SLC23A2: variants seen among roughly 807,000 people sequenced by gnomAD.
The protein encoded by SLC23A2 is Na(+)/L-ascorbic acid transporter 2.
Under a neutral mutation model 73.3 loss-of-function variants are expected in SLC23A2, and 36 were observed. The observed-to-expected ratio is 0.49, with a 90% CI of 0.38 to 0.65. SLC23A2 has a LOEUF of 0.65. Ranked by LOEUF, SLC23A2 falls within the 30% of genes least tolerant of loss-of-function variation. The pLI is 0.00. For synonymous variants in SLC23A2, 343 were observed against 327.3 expected (o/e 1.05, Z -0.52); for missense variants, 507 against 841.6 (o/e 0.60, Z 4.92).
At chr20:4,970,349 A>C (rs1344372724) in intron 2 of SLC23A2, among the ~76,000 whole-genome samples, 1 of 152,194 alleles carries the variant, frequency 6.6e-6, no homozygotes, top group Non-Finnish European at 1.5e-5. Flanking sequence ...TTGTGCATTT[A>C]GACCGTTCTC....
At chr20:4,876,674 A>G (rs1307752755) in intron 9 of SLC23A2, among the ~76,000 whole-genome samples, 1 of 152,240 alleles carries the variant, frequency 6.6e-6, no homozygotes, top group African/African-American at 2.4e-5. Flanking sequence ...CAAGTAATAC[A>G]TACTAAATTG....
Position 4,859,367 on chromosome 20 carries a change from G to T in SLC23A2, c.1642C>A (p.Gln548Lys). Residue 548 changes from glutamine (Q) to lysine (K), a missense_variant, in exon 16 of 17, where the codon CAA (glutamine) becomes AAA (lysine). Physicochemically the swap from Gln to Lys is moderately conservative, Grantham distance 53. Transcript: ENST00000338244. The stretch of plus-strand genomic sequence containing the variant: ...GTTGTGAGAAGGACGTTCAACACTT[G>T]ATCGATTCCTGTTATCCCTAGAAAG... ...PLVTGITGID[Q>K]VLNVLLTTAM... 6.2e-7 allele frequency: 1 copy of T among 1,611,254 alleles called. No individual in the cohort carries two copies. The highest frequency in any genetic ancestry group is 8.5e-7 in the Non-Finnish European group (1 of 1,177,460).
upstream of SLC23A2, among the ~76,000 whole-genome samples, chr20:5,004,303 C>G (rs1409131094): frequency 2.0e-5 from 3 of 152,134 alleles, no homozygotes; most frequent in Non-Finnish European, 4.4e-5. Flanking sequence ...TGAGTCCTTG[C>G]CCCATAGCCT....
intron 11 of SLC23A2, among the ~76,000 whole-genome samples, chr20:4,871,770 G>A (rs755549849): frequency 2.6e-5 from 4 of 152,136 alleles, no homozygotes; most frequent in Non-Finnish European, 4.4e-5. Flanking sequence ...CCTGCTCAAC[G>A]TATCAGCTCC....
At chr20:4,904,507 ATTCTCTGAGTCT>A (rs1931868272) in intron 4 of SLC23A2, among the ~76,000 whole-genome samples, 1 of 152,226 alleles carries the variant, frequency 6.6e-6, no homozygotes, top group South Asian at 2.1e-4. Flanking sequence ...GCTCTGCTGA[ATTCTCTGAGTCT>A]TTCTCATAAA....
Position 4,856,645 on chromosome 20 carries a change from G to C in SLC23A2, c.*327C>G, listed in dbSNP as rs1929722303. 1.2e-5 allele frequency: 3 copies of C among 244,388 alleles called. No individual in the cohort carries two copies. Among genetic ancestry groups the C allele is most frequent in the Non-Finnish European group, 2.4e-5 (3 of 126,128 alleles). 15.1% of individuals were successfully genotyped at this position (244,388 alleles called of 1,614,324 possible). ...GGTGGCTTATAGGAAAGCCAGCCCTGGGTGGTGGAAGGGAACTGAAGCAAG... is the reference window on the plus strand; with the variant it reads ...GGTGGCTTATAGGAAAGCCAGCCCTCGGTGGTGGAAGGGAACTGAAGCAAG... On this transcript the variant is annotated 3_prime_UTR_variant, in exon 17 of 17. Transcript: ENST00000338244. The surrounding 1 kb of genome is among the most constrained non-coding windows in gnomAD (Gnocchi z 4.6).
intron 9 of SLC23A2, among the ~76,000 whole-genome samples, chr20:4,882,934 T>TA (rs1173427402): frequency 4.6e-5 from 7 of 152,206 alleles, no homozygotes. Context: ...AATCAACTCT[T>TA]AAACATGCTC....
intron 5 of SLC23A2, among the ~76,000 whole-genome samples, chr20:4,900,924 G>A (rs537684648): frequency 9.2e-5 from 14 of 152,120 alleles, no homozygotes; most frequent in Non-Finnish European, 1.3e-4. Flanking sequence ...CATGAAGCCC[G>A]ACTGTAAAGG....
chr20:4,897,935 A>T (rs373262885), intron 6 of SLC23A2, among the ~76,000 whole-genome samples: 18 of 152,350 alleles, frequency 1.2e-4, no homozygotes, highest in African/African-American at 4.3e-4. Flanking sequence ...CGGATAAGTC[A>T]GCGGTTTAGA....
chr20:4,922,843 G>GCACACA (rs11474556), intron 3 of SLC23A2, among the ~76,000 whole-genome samples: 37 of 145,742 alleles, frequency 2.5e-4, no homozygotes, highest in African/African-American at 7.6e-4. Flanking sequence ...AAAAAAAAAA[G>GCACACA]CACACACACA....
chr20:4,994,502 T>C (rs1467437467), intron 1 of SLC23A2, among the ~76,000 whole-genome samples: 1 of 152,122 alleles, frequency 6.6e-6, no homozygotes, highest in Non-Finnish European at 1.5e-5. Context: ...GAAATTGTGT[T>C]GGCCAGGTGC....
At chr20:4,949,209 A>C (rs2122130952) in intron 2 of SLC23A2, among the ~76,000 whole-genome samples, 1 of 149,662 alleles carries the variant, frequency 6.7e-6, no homozygotes, top group Non-Finnish European at 1.5e-5. Context: ...AGTTGCTTGA[A>C]CCTGGGAGGC....
At chr20:4,970,132 G>A (rs987547145) in intron 2 of SLC23A2, among the ~76,000 whole-genome samples, 19 of 152,046 alleles carry the variant, frequency 1.2e-4, no homozygotes, top group Admixed American at 3.3e-4. Flanking sequence ...AGGGCCAAGA[G>A]CAGGAGGTAC....
At chr20:4,938,961 G>C (rs776270724) in intron 2 of SLC23A2, among the ~76,000 whole-genome samples, 1 of 152,106 alleles carries the variant, frequency 6.6e-6, no homozygotes, top group Non-Finnish European at 1.5e-5. Context: ...CATGTGGAGG[G>C]CTGAGTGTGA....
At chr20:4,907,688 A>C (rs1932005472) in intron 4 of SLC23A2, among the ~76,000 whole-genome samples, 1 of 152,132 alleles carries the variant, frequency 6.6e-6, no homozygotes, top group South Asian at 2.1e-4. Flanking sequence ...AATATAGGTA[A>C]GAGTTAAGTG....
At chr20:4,984,111 T>A (rs1454352314) in intron 1 of SLC23A2, among the ~76,000 whole-genome samples, 1 of 152,080 alleles carries the variant, frequency 6.6e-6, no homozygotes, top group Non-Finnish European at 1.5e-5. Flanking sequence ...CCTAATTAAA[T>A]GGGCAAAGAA....
At chr20:4,913,096 A>G in intron 3 of SLC23A2, 118 bp from the exon 4 acceptor site, 1 of 721,070 alleles carries the variant, frequency 1.4e-6, no homozygotes, top group Non-Finnish European at 2.5e-6. Context: ...ATGGAGAAAC[A>G]TACTCCATGT....
chr20:4,991,693 G>A (rs2087924738), intron 1 of SLC23A2, among the ~76,000 whole-genome samples: 1 of 149,610 alleles, frequency 6.7e-6, no homozygotes, highest in Non-Finnish European at 1.5e-5. Context: ...CTGCACTCCA[G>A]CCTGGGTGAC....
chr20:4,860,830 C>T (rs569741351), intron 15 of SLC23A2, among the ~76,000 whole-genome samples: 1 of 152,206 alleles, frequency 6.6e-6, no homozygotes, highest in Non-Finnish European at 1.5e-5. Context: ...CACTTGAGGT[C>T]AGGAGTTCAA....
Sources: allele counts gnomAD v4.1 joint callset (sites outside exome capture counted in the v4.1 genomes callset), GRCh38; gene constraint gnomAD v4.1.1; non-coding constraint Gnocchi (gnomAD v3.1); transcripts MANE v1.5; gene names NCBI Gene and HGNC (gene_info 2026-07-23, HGNC 2026-07-21).